FMNL2: variants seen among roughly 807,000 people sequenced by gnomAD.
The protein encoded by FMNL2 is formin-like protein 2.
Under a neutral mutation model 130.2 loss-of-function variants are expected in FMNL2, and 51 were observed. The ratio of observed to expected loss-of-function variants is 0.39; its 90% CI spans 0.31 to 0.49. The LOEUF (loss-of-function observed/expected upper bound fraction) is 0.49, where lower values mean the gene tolerates loss of function less well. Among genes scored for constraint, FMNL2 ranks in the 20% least tolerant of loss-of-function variants. The pLI is 0.85. For synonymous variants in FMNL2, 465 were observed against 467.1 expected, an observed-to-expected ratio of 1.00 and a Z score of 0.06; for missense variants, 977 against 1,316.2, an observed-to-expected ratio of 0.74 and a Z score of 3.99.
chr2:152,574,795 A>G (rs1352076241), intron 6 of FMNL2, among the ~76,000 whole-genome samples: 1 of 152,238 alleles, frequency 6.6e-6, no homozygotes, highest in African/African-American at 2.4e-5. Context: ...TGAGGTTAAA[A>G]TAAGAAAGAT....
chr2:152,524,698 C>G (rs1306628093), intron 2 of FMNL2, among the ~76,000 whole-genome samples: 1 of 152,140 alleles, frequency 6.6e-6, no homozygotes, highest in Non-Finnish European at 1.5e-5. Flanking sequence ...AGAGAAAGCC[C>G]CTTAATCTCA....
chr2:152,383,103 G>A (rs961285825), intron 1 of FMNL2, among the ~76,000 whole-genome samples: 2 of 152,140 alleles, frequency 1.3e-5, no homozygotes, highest in African/African-American at 4.8e-5. Flanking sequence ...AAAAATAGGA[G>A]TGTGGTGAGG....
chr2:152,625,988 C>T (rs983961442), intron 16 of FMNL2, among the ~76,000 whole-genome samples: 1 of 151,778 alleles, frequency 6.6e-6, no homozygotes, highest in Non-Finnish European at 1.5e-5. Context: ...GGGTTAGAAT[C>T]GGTAGTCTAA....
At chr2:152,608,360 GA>G (rs869134530) in intron 10 of FMNL2, among the ~76,000 whole-genome samples, 1 of 16,548 alleles carries the variant, frequency 6.0e-5, no homozygotes, top group Non-Finnish European at 1.3e-4. Context: ...CCCTTTTTGT[GA>G]AAAAAAAAAA....
chr2:152,586,822 T>C (rs1697104453), intron 9 of FMNL2, among the ~76,000 whole-genome samples: 2 of 152,324 alleles, frequency 1.3e-5, no homozygotes, highest in Admixed American at 1.3e-4. Flanking sequence ...TATCAACTGT[T>C]GCAATTTTTT....
At chr2:152,373,714 A>AT (rs1419796780) in intron 1 of FMNL2, among the ~76,000 whole-genome samples, 5 of 111,796 alleles carry the variant, frequency 4.5e-5, no homozygotes, top group Non-Finnish European at 1.1e-4. Context: ...ACCTTGTGGA[A>AT]ATTTTTTTTT....
At chr2:152,604,739 G>A (rs1002326595) in intron 9 of FMNL2, among the ~76,000 whole-genome samples, 3 of 152,038 alleles carry the variant, frequency 2.0e-5, no homozygotes, top group African/African-American at 4.8e-5. Flanking sequence ...GGGATTACAG[G>A]TGCATGCCAC....
At chr2:152,629,518 A>AC in intron 18 of FMNL2, 138 bp from the exon 19 acceptor site, 2 of 725,520 alleles carry the variant, frequency 2.8e-6, no homozygotes, top group Non-Finnish European at 4.5e-6. Context: ...TATACTTAGA[A>AC]AAAGTAGACT....
intron 1 of FMNL2, among the ~76,000 whole-genome samples, chr2:152,339,068 A>G (rs1030872502): frequency 6.6e-6 from 1 of 152,166 alleles, no homozygotes; most frequent in Non-Finnish European, 1.5e-5. Context: ...GTGGCCCTCC[A>G]TTGTATTTAT....
intron 1 of FMNL2, among the ~76,000 whole-genome samples, chr2:152,415,401 A>G (rs1175866412): frequency 6.6e-6 from 1 of 152,240 alleles, no homozygotes; most frequent in Non-Finnish European, 1.5e-5. Flanking sequence ...AATAGGGATG[A>G]TAACACTCAG....
At chr2:152,645,611 T>C (rs1346719458) in intron 25 of FMNL2, 8 of 851,158 alleles carry the variant, frequency 9.4e-6, no homozygotes, top group Admixed American at 8.8e-5. Flanking sequence ...GTAATACTGG[T>C]GAGAATCTGA....
rs1682036213 is a variant in FMNL2, at chr2:152,629,663, A to G, written c.2408A>G (p.His803Arg). Reference sequence around the variant, plus strand: ...TCTTTGATTGGAATCTAGCAACTACATGCGATTATAGCAGCATCTGTCTCT... The same window carrying G: ...TCTTTGATTGGAATCTAGCAACTACGTGCGATTATAGCAGCATCTGTCTCT... ...ESIQMLTPQL[H>R]AIIAASVSIK... Residue 803 changes from histidine to arginine, a missense_variant, in exon 19 of 26, where the codon CAT (histidine) becomes CGT (arginine). His to Arg is a conservative substitution (Grantham distance 29). This residue lies in a region of FMNL2 where 689 missense variants were observed against 995.9 expected (regional missense o/e 0.69). Coordinates refer to ENST00000288670, the MANE Select transcript of FMNL2 (RefSeq NM_052905.4). 6 of 1,597,484 alleles carry G rather than the reference A, an allele frequency of 3.8e-6. No individual in the cohort carries two copies. Among genetic ancestry groups the G allele is most frequent in the South Asian group, 3.4e-5 (3 of 88,368 alleles).
chr2:152,485,364 A>G (rs997561472), intron 1 of FMNL2, among the ~76,000 whole-genome samples: 6 of 152,090 alleles, frequency 3.9e-5, no homozygotes, highest in Non-Finnish European at 8.8e-5. Flanking sequence ...GGTGGTGTGC[A>G]CCTGTAGTCC....
At chr2:152,436,547 G>A (rs1007026533) in intron 1 of FMNL2, among the ~76,000 whole-genome samples, 31 of 152,178 alleles carry the variant, frequency 2.0e-4, no homozygotes, top group Non-Finnish European at 4.0e-4. Flanking sequence ...CAGCATAGAT[G>A]TTCTTGGCAG....
chr2:152,515,362 T>A (rs1692710295), intron 1 of FMNL2, among the ~76,000 whole-genome samples: 1 of 152,216 alleles, frequency 6.6e-6, no homozygotes, highest in Non-Finnish European at 1.5e-5. Context: ...GCAGAGTTTA[T>A]TAAGTATATA....
At chr2:152,409,315 C>T (rs564477570) in intron 1 of FMNL2, among the ~76,000 whole-genome samples, 50 of 152,274 alleles carry the variant, frequency 3.3e-4, no homozygotes, top group African/African-American at 1.1e-3. Flanking sequence ...GATGATAAGA[C>T]GCCACTTATT....
chr2:152,339,313 C>T (rs1430354823), intron 1 of FMNL2, among the ~76,000 whole-genome samples: 2 of 152,156 alleles, frequency 1.3e-5, no homozygotes, highest in African/African-American at 4.8e-5. Flanking sequence ...TCCTGGGTTA[C>T]ATACACACAT....
chr2:152,639,859 T>G, intron 23 of FMNL2, 99 bp from the exon 24 acceptor site: 1 of 826,256 alleles, frequency 1.2e-6, no homozygotes, highest in Admixed American at 4.4e-5. Context: ...TTTATTGTAA[T>G]TCTCAACTCA....
intron 1 of FMNL2, chr2:152,390,600 C>T: frequency 8.1e-7 from 1 of 1,241,120 alleles, no homozygotes; most frequent in Non-Finnish European, 1.2e-6. Context: ...GGATCAGCAT[C>T]TGGAGATGGA....
Sources: gnomAD v4.1 joint callset for allele counts (sites outside exome capture counted in the v4.1 genomes callset) on GRCh38, gnomAD v4.1.1 for gene constraint, gnomAD v4.1.1 regional missense constraint, MANE v1.5 for transcripts, NCBI Gene and HGNC (gene_info 2026-07-23, HGNC 2026-07-21) for gene names.